The following ADCY2 variants were observed in gnomAD, a reference collection of about 807,000 sequenced individuals.
ADCY2 encodes adenylate cyclase type 2.
Under a neutral mutation model 125.2 loss-of-function variants are expected in ADCY2, and 31 were observed. That is an observed-to-expected ratio of 0.25 (90% confidence interval 0.19 to 0.33). The LOEUF is 0.33. ADCY2 is among the 10% of genes least tolerant of loss of function. The pLI, the probability that ADCY2 is intolerant of heterozygous loss-of-function variation, is 1.00. For missense variants in ADCY2, 904 were observed against 1,418.2 expected, an observed-to-expected ratio of 0.64 and a Z score of 5.82; for synonymous variants, 512 against 548.4, an observed-to-expected ratio of 0.93 and a Z score of 0.93.
chr5:7,572,354 G>A (rs1437670682), intron 3 of ADCY2, among the ~76,000 whole-genome samples: 1 of 151,912 alleles, frequency 6.6e-6, no homozygotes, highest in Non-Finnish European at 1.5e-5. Flanking sequence ...TCTGAATTGT[G>A]TTAGATGATT....
chr5:7,679,680 G>C (rs1235586655), intron 4 of ADCY2, among the ~76,000 whole-genome samples: 3 of 152,214 alleles, frequency 2.0e-5, no homozygotes, highest in Non-Finnish European at 4.4e-5. Context: ...TTCTGCATGG[G>C]CAGCTGGGCA....
chr5:7,761,710 C>T (rs893318453), intron 16 of ADCY2, among the ~76,000 whole-genome samples: 7 of 151,870 alleles, frequency 4.6e-5, no homozygotes, highest in Non-Finnish European at 1.0e-4. Context: ...TTCTTAAAGA[C>T]GATATAAATG....
intron 11 of ADCY2, 74 bp downstream of exon 11, chr5:7,712,973 T>TG: frequency 8.6e-7 from 1 of 1,163,386 alleles, no homozygotes; most frequent in Non-Finnish European, 1.3e-6. Flanking sequence ...TATCATCAAT[T>TG]ATGGTAATTT....
chr5:7,681,818 A>G (rs1169615721), intron 4 of ADCY2, among the ~76,000 whole-genome samples: 1 of 152,202 alleles, frequency 6.6e-6, no homozygotes, highest in Non-Finnish European at 1.5e-5. Context: ...CCACTGAAAT[A>G]AAAGAAAATC....
At chr5:7,436,081 G>A (rs1421285046) in intron 2 of ADCY2, among the ~76,000 whole-genome samples, 1 of 152,186 alleles carries the variant, frequency 6.6e-6, no homozygotes, top group Non-Finnish European at 1.5e-5. Flanking sequence ...AATTATTGGT[G>A]TCATTCACAG....
rs1740873404 is a variant in ADCY2, at chr5:7,695,870, A to G, written c.981+7A>G. ...GTTTGATCAAATTGCAAAGGTGAGT[A>G]TTATGGATTCTTTTCTTCTCTGAAG... On this transcript the variant is annotated splice_region_variant and intron_variant, in intron 6 of 24. Transcript: ENST00000338316. 5.1e-6 allele frequency: 8 copies of G among 1,579,526 alleles called. No homozygotes were observed. Among genetic ancestry groups the G allele is most frequent in the Non-Finnish European group, 6.9e-6 (8 of 1,153,446 alleles).
intron 4 of ADCY2, among the ~76,000 whole-genome samples, chr5:7,629,566 A>G (rs1218011490): frequency 2.6e-5 from 4 of 152,364 alleles, no homozygotes; most frequent in Middle Eastern, 3.4e-3. Flanking sequence ...TGCCCTAAAA[A>G]TGTTCTCATT....
chr5:7,741,078 C>A (rs1365792505), intron 14 of ADCY2, among the ~76,000 whole-genome samples: 1 of 151,812 alleles, frequency 6.6e-6, no homozygotes. Context: ...TAAGAAATTA[C>A]AAATATGGAG....
intron 7 of ADCY2, among the ~76,000 whole-genome samples, chr5:7,704,000 C>CAAAAAAAAAA (rs11419642): frequency 1.5e-5 from 2 of 134,682 alleles, no homozygotes; most frequent in African/African-American, 6.4e-5. Context: ...AGATTCTGTC[C>CAAAAAAAAAA]AAAAAAAAAA....
intron 4 of ADCY2, among the ~76,000 whole-genome samples, chr5:7,672,009 C>G (rs1255342406): frequency 6.6e-6 from 1 of 152,026 alleles, no homozygotes; most frequent in African/African-American, 2.4e-5. Flanking sequence ...CTTTTGTGCT[C>G]TCTGATGGCT....
intron 8 of ADCY2, among the ~76,000 whole-genome samples, chr5:7,707,341 C>T (rs530229761): frequency 8.7e-4 from 133 of 152,196 alleles, no homozygotes; most frequent in Non-Finnish European, 1.4e-3. Context: ...TAGAGAAGCA[C>T]GAGAGCAAGC....
At chr5:7,579,967 C>T (rs1051867296) in intron 3 of ADCY2, among the ~76,000 whole-genome samples, 3 of 152,174 alleles carry the variant, frequency 2.0e-5, no homozygotes, top group Non-Finnish European at 4.4e-5. Context: ...TTTGCAGCAA[C>T]GTGGATGCAG....
At chr5:7,513,876 C>T (rs1435468537) in intron 2 of ADCY2, among the ~76,000 whole-genome samples, 3 of 152,052 alleles carry the variant, frequency 2.0e-5, no homozygotes, top group Admixed American at 2.0e-4. Context: ...ATTGCTCTGC[C>T]TTTGGTTATA....
At chr5:7,816,363 C>G (rs1271747672) in intron 22 of ADCY2, among the ~76,000 whole-genome samples, 9 of 152,176 alleles carry the variant, frequency 5.9e-5, no homozygotes, top group African/African-American at 2.4e-5. Flanking sequence ...AGAGGAGGAA[C>G]GAGGCCCCAA....
At chr5:7,412,004 G>A (rs1341683096) in intron 1 of ADCY2, among the ~76,000 whole-genome samples, 3 of 152,064 alleles carry the variant, frequency 2.0e-5, no homozygotes, top group Non-Finnish European at 2.9e-5. Flanking sequence ...GAACCCAGGA[G>A]GCGGAGCTTG....
chr5:7,476,472 A>T lies in ADCY2; in HGVS notation c.409-44266A>T, dbSNP rs762890836. On this transcript the variant is annotated intron_variant, in intron 2 of 24. Coordinates refer to ENST00000338316, the MANE Select transcript of ADCY2 (RefSeq NM_020546.3). ...AGAGCCCGAAACTCCTCAGGGACTC[A>T]GGAAGAAAGTCAAAATGTAGCCCTG... Among the ~76,000 whole-genome samples, 110 of 152,334 alleles carry T rather than the reference A, an allele frequency of 7.2e-4. 1 individual carries two copies. Among genetic ancestry groups the T allele is most frequent in the Non-Finnish European group, 1.0e-3 (71 of 68,036 alleles).
chr5:7,802,454 C>CA lies in ADCY2; in HGVS notation c.2775+97dup, dbSNP rs112102184. Reference sequence around the variant, plus strand: ...GTTACTTCAGGATAGTGGCCTATCCCAAAAAAACTTGTCCTTTGGCATAAT... The same window carrying CA: ...GTTACTTCAGGATAGTGGCCTATCCCAAAAAAAACTTGTCCTTTGGCATAAT... On this transcript the variant is annotated intron_variant, in intron 21 of 24. Transcript: ENST00000338316. This position sits in a 1 kb window ranked among gnomAD's most constrained non-coding sequence, Gnocchi z 4.6. 5.3e-5 allele frequency: 75 copies of CA among 1,426,972 alleles called. No individual in the cohort carries two copies. In the African/African-American group the frequency reaches 7.6e-4, roughly 14 times the overall value. The allele number at this position is 1,426,972 out of a possible 1,614,324, so 88.4% of individuals were successfully genotyped here.
intron 14 of ADCY2, among the ~76,000 whole-genome samples, chr5:7,734,604 T>C (rs2126415221): frequency 6.6e-6 from 1 of 152,352 alleles, no homozygotes; most frequent in South Asian, 2.1e-4. Context: ...AACTGGGCTG[T>C]TAATTAAAAT....
chr5:7,771,341 G>A (rs1743552320), intron 17 of ADCY2, among the ~76,000 whole-genome samples: 1 of 152,176 alleles, frequency 6.6e-6, no homozygotes, highest in Admixed American at 6.5e-5. Context: ...GAAGAGTGGA[G>A]ACTTGACATC....
Sources: gnomAD v4.1 joint callset for allele counts (sites outside exome capture counted in the v4.1 genomes callset) on GRCh38, gnomAD v4.1.1 for gene constraint, Gnocchi (gnomAD v3.1) non-coding constraint, MANE v1.5 for transcripts, NCBI Gene and HGNC (gene_info 2026-07-23, HGNC 2026-07-21) for gene names.